SORCS3: variants seen among roughly 807,000 people sequenced by gnomAD.
SORCS3 encodes the protein VPS10 domain-containing receptor SorCS3.
SORCS3 carries 57 observed loss-of-function variants against 146.3 expected under a neutral mutation model. The observed-to-expected ratio is 0.39, with a 90% confidence interval of 0.31 to 0.49. The LOEUF (loss-of-function observed/expected upper bound fraction) is 0.49, where lower values mean the gene tolerates loss of function less well. Ranked by LOEUF, SORCS3 falls within the 20% of genes least tolerant of loss-of-function variation. SORCS3 has a pLI of 0.92. For synonymous variants in SORCS3, 653 were observed against 618.5 expected, an observed-to-expected ratio of 1.06 and a Z score of -0.83; for missense variants, 1,341 against 1,575.5, an observed-to-expected ratio of 0.85 and a Z score of 2.52.
At chr10:105,014,216 G>A (rs1225770498) in intron 4 of SORCS3, among the ~76,000 whole-genome samples, 1 of 151,314 alleles carries the variant, frequency 6.6e-6, no homozygotes. Flanking sequence ...GGACAATTGG[G>A]TATTCATAGG....
At chr10:105,253,760 A>G (rs898933490) in intron 23 of SORCS3, among the ~76,000 whole-genome samples, 5 of 152,216 alleles carry the variant, frequency 3.3e-5, no homozygotes, top group Admixed American at 2.0e-4. Context: ...ACTTACAGCC[A>G]TCCACAGACA....
chr10:105,227,711 A>G (rs1256825816), intron 20 of SORCS3, among the ~76,000 whole-genome samples: 1 of 152,038 alleles, frequency 6.6e-6, no homozygotes, highest in Non-Finnish European at 1.5e-5. Flanking sequence ...TGCTTTGTAT[A>G]TCTGGGTGCT....
At chr10:104,840,188 A>G (rs1589519545) in intron 1 of SORCS3, among the ~76,000 whole-genome samples, 1 of 152,030 alleles carries the variant, frequency 6.6e-6, no homozygotes, top group Non-Finnish European at 1.5e-5. Flanking sequence ...GCATGTTCTC[A>G]TGGCAGCTAC....
chr10:104,818,102 A>T (rs1239734869), intron 1 of SORCS3, among the ~76,000 whole-genome samples: 1 of 152,132 alleles, frequency 6.6e-6, no homozygotes, highest in East Asian at 1.9e-4. Flanking sequence ...ACCTGTGCAC[A>T]CTTGGTTAGT....
At chr10:105,049,197 C>A (rs372434480) in intron 5 of SORCS3, among the ~76,000 whole-genome samples, 26 of 152,132 alleles carry the variant, frequency 1.7e-4, no homozygotes, top group African/African-American at 6.3e-4. Flanking sequence ...TTTACTGAAC[C>A]TTTTCTTGAA....
intron 4 of SORCS3, among the ~76,000 whole-genome samples, chr10:104,979,565 T>TTGTGTGTG (rs60597563): frequency 6.7e-6 from 1 of 150,318 alleles, no homozygotes; most frequent in Non-Finnish European, 1.5e-5. Context: ...GAATTTGTGT[T>TTGTGTGTG]TGTGTGTGTG....
At chr10:105,118,530 T>C (rs938995859) in intron 7 of SORCS3, among the ~76,000 whole-genome samples, 5 of 152,198 alleles carry the variant, frequency 3.3e-5, no homozygotes, top group Middle Eastern at 3.2e-3. Flanking sequence ...ATTTTGGAAC[T>C]GGGTAACAGG....
intron 8 of SORCS3, 41 bp from the exon 9 acceptor site, chr10:105,147,576 A>T: frequency 6.4e-7 from 1 of 1,558,358 alleles, no homozygotes; most frequent in Non-Finnish European, 8.7e-7. Context: ...GCAGAGAGAT[A>T]TGGAGATCTG....
intron 1 of SORCS3, among the ~76,000 whole-genome samples, chr10:104,709,947 C>A (rs1294083869): frequency 6.6e-6 from 1 of 151,534 alleles, no homozygotes; most frequent in Non-Finnish European, 1.5e-5. Flanking sequence ...CTGAATTTTC[C>A]CTTCTAGCTA....
At chr10:104,651,963 C>T (rs1358071047) in intron 1 of SORCS3, among the ~76,000 whole-genome samples, 1 of 152,096 alleles carries the variant, frequency 6.6e-6, no homozygotes, top group Non-Finnish European at 1.5e-5. Context: ...ATCTAGCCCC[C>T]TTGACTACTG....
intron 7 of SORCS3, among the ~76,000 whole-genome samples, chr10:105,124,645 T>C (rs532529738): frequency 1.3e-5 from 2 of 152,290 alleles, no homozygotes; most frequent in East Asian, 3.9e-4. Context: ...GCTTTAAAAT[T>C]GTCTGATTCT....
intron 1 of SORCS3, among the ~76,000 whole-genome samples, chr10:104,723,089 C>A (rs1046120952): frequency 6.6e-6 from 1 of 152,194 alleles, no homozygotes; most frequent in African/African-American, 2.4e-5. Flanking sequence ...AACTTTAGAT[C>A]TTTCCTGCTT....
rs187350050 is a variant in SORCS3 at position 104,746,357 on chromosome 10, C to T, written c.628-96435C>T. ...TTCACCATGTTAGCCAGGATGGTCT[C>T]GATCTCCTGACCTCGTGATCCGCCC... On this transcript the variant is annotated intron_variant, in intron 1 of 26. Transcript: ENST00000369701. Among the ~76,000 whole-genome samples the T allele has an allele frequency of 2.9e-3, 444 of 152,202 alleles. 1 individual carries two copies. Among genetic ancestry groups the T allele is most frequent in the Admixed American group, 4.6e-3 (70 of 15,278 alleles).
intron 25 of SORCS3, among the ~76,000 whole-genome samples, chr10:105,260,409 G>A (rs2056953794): frequency 6.6e-6 from 1 of 152,126 alleles, no homozygotes; most frequent in East Asian, 1.9e-4. Flanking sequence ...GGAATATAAA[G>A]GCCAGCATTA....
intron 2 of SORCS3, among the ~76,000 whole-genome samples, chr10:104,900,472 C>G (rs952973005): frequency 3.9e-5 from 6 of 152,200 alleles, no homozygotes; most frequent in African/African-American, 1.4e-4. Context: ...TTAGTCCTTT[C>G]AAACAGGCTT....
At chr10:104,680,846 C>G (rs1406079261) in intron 1 of SORCS3, among the ~76,000 whole-genome samples, 2 of 152,224 alleles carry the variant, frequency 1.3e-5, no homozygotes, top group African/African-American at 4.8e-5. Flanking sequence ...CTGAATCGCT[C>G]CTGAGAGCTT....
intron 1 of SORCS3, among the ~76,000 whole-genome samples, chr10:104,690,815 G>C (rs2016102087): frequency 8.7e-6 from 1 of 115,488 alleles, no homozygotes; most frequent in Admixed American, 8.5e-5. Flanking sequence ...CGAGGGACCA[G>C]GCAAGACCCT....
At chr10:105,229,670 T>A (rs1208816640) in intron 20 of SORCS3, among the ~76,000 whole-genome samples, 1 of 152,200 alleles carries the variant, frequency 6.6e-6, no homozygotes, top group Non-Finnish European at 1.5e-5. Context: ...AGGCAGTTAT[T>A]AGTGGAGGCC....
Position 104,815,052 on chromosome 10 carries a change from GA to G in SORCS3, c.628-27739del, listed in dbSNP as rs1425713921. ...TTCTCAAGAAGCTTGCAGTCTGAAGGAGGAGAAAAGACAAACAGCACTGATG... is the reference window on the plus strand; with the variant it reads ...TTCTCAAGAAGCTTGCAGTCTGAAGGGGAGAAAAGACAAACAGCACTGATG... On this transcript the variant is annotated intron_variant, in intron 1 of 26. Coordinates refer to ENST00000369701, the MANE Select transcript of SORCS3 (RefSeq NM_014978.3). Among the ~76,000 whole-genome samples the G allele has an allele frequency of 1.2e-4, 19 of 152,238 alleles. No individual in the cohort carries two copies. In the South Asian group the frequency reaches 3.7e-3, roughly 30 times the overall value.
Sources: allele counts gnomAD v4.1 joint callset (sites outside exome capture counted in the v4.1 genomes callset), GRCh38; gene constraint gnomAD v4.1.1; transcripts MANE v1.5; gene names NCBI Gene and HGNC (gene_info 2026-07-23, HGNC 2026-07-21).